Variants in RALGPS2 observed in about 807,000 individuals in gnomAD.
RALGPS2 encodes Ral GEF with PH domain and SH3 binding motif 2, also known as ras-specific guanine nucleotide-releasing factor RalGPS2.
In RALGPS2, 43 loss-of-function variants were observed where a neutral mutation model predicts 86.8. That is an observed-to-expected ratio of 0.50 (90% confidence interval 0.39 to 0.64). The LOEUF is 0.64. RALGPS2 is among the 30% of genes least tolerant of loss of function. RALGPS2 has a pLI of 0.00. For synonymous variants in RALGPS2, 243 were observed against 231.3 expected (o/e 1.05, Z -0.46); for missense variants, 536 against 694.6 (o/e 0.77, Z 2.57).
intron 8 of RALGPS2, among the ~76,000 whole-genome samples, chr1:178,873,602 T>A (rs1658865017): frequency 6.6e-6 from 1 of 152,192 alleles, no homozygotes; most frequent in South Asian, 2.1e-4. Context: ...CTCCTAGGCA[T>A]GTTTGTATAT....
chr1:178,765,492 A>G (rs1390418258), intron 1 of RALGPS2, among the ~76,000 whole-genome samples: 1 of 152,194 alleles, frequency 6.6e-6, no homozygotes, highest in Non-Finnish European at 1.5e-5. Flanking sequence ...ATAAAATATC[A>G]CAAGGCAAAT....
At chr1:178,912,720 C>T (rs914366825) in intron 19 of RALGPS2, among the ~76,000 whole-genome samples, 6 of 152,122 alleles carry the variant, frequency 3.9e-5, no homozygotes, top group African/African-American at 7.2e-5. Flanking sequence ...TGCACATCAA[C>T]TTCTGTAGCA....
chr1:178,811,077 T>C (rs1350966128), intron 5 of RALGPS2, among the ~76,000 whole-genome samples: 3 of 152,110 alleles, frequency 2.0e-5, no homozygotes, highest in Non-Finnish European at 4.4e-5. Flanking sequence ...TTTTTTTCTT[T>C]TGATATTTTA....
chr1:178,833,312 T>C (rs550083972), intron 7 of RALGPS2, 112 bp from the exon 8 acceptor site: 1 of 1,015,726 alleles, frequency 9.8e-7, no homozygotes, highest in South Asian at 2.8e-5. Flanking sequence ...TTAAAGAAGA[T>C]ATAACTTTGA....
chr1:178,856,202 G>GAGATATAT (rs1428022812), intron 8 of RALGPS2, among the ~76,000 whole-genome samples: 67 of 83,898 alleles, frequency 8.0e-4, no homozygotes, highest in African/African-American at 1.1e-3. Context: ...GAGAGAGAGA[G>GAGATATAT]ATATATATAT....
chr1:178,880,564 A>G (rs942548690), intron 10 of RALGPS2, among the ~76,000 whole-genome samples: 6 of 152,154 alleles, frequency 3.9e-5, no homozygotes, highest in Non-Finnish European at 7.4e-5. Flanking sequence ...TGTGTCTTAT[A>G]CTTACCACTA....
chr1:178,867,219 C>T (rs929999591), intron 8 of RALGPS2, among the ~76,000 whole-genome samples: 1 of 152,066 alleles, frequency 6.6e-6, no homozygotes, highest in African/African-American at 2.4e-5. Context: ...TGTTTTAAGC[C>T]ATTTTCATGT....
At chr1:178,812,515 A>C (rs1655031297) in intron 6 of RALGPS2, among the ~76,000 whole-genome samples, 1 of 152,186 alleles carries the variant, frequency 6.6e-6, no homozygotes, top group African/African-American at 2.4e-5. Flanking sequence ...TACAGATGTG[A>C]ATCTCCTCCA....
At chr1:178,884,985 A>T in intron 11 of RALGPS2, 91 bp from the exon 12 acceptor site, 2 of 1,301,130 alleles carry the variant, frequency 1.5e-6, no homozygotes, top group Non-Finnish European at 2.1e-6. Flanking sequence ...CATCAGTACT[A>T]TCTCAAAATT....
chr1:178,862,438 A>C (rs184883003), intron 8 of RALGPS2, among the ~76,000 whole-genome samples: 4 of 152,220 alleles, frequency 2.6e-5, no homozygotes, highest in African/African-American at 9.6e-5. Context: ...TCTTAGTTAG[A>C]TGTATTCTGA....
intron 16 of RALGPS2, among the ~76,000 whole-genome samples, chr1:178,895,361 T>C (rs1659894235): frequency 1.3e-5 from 2 of 152,082 alleles, no homozygotes; most frequent in African/African-American, 4.8e-5. Flanking sequence ...AGTTGAAGCA[T>C]TACCATACCT....
intron 4 of RALGPS2, among the ~76,000 whole-genome samples, chr1:178,798,400 C>T (rs907282394): frequency 3.9e-5 from 6 of 152,096 alleles, no homozygotes; most frequent in African/African-American, 1.4e-4. Context: ...TGTGTTATGA[C>T]GTTAAAATGT....
At chr1:178,901,334 T>C (rs377135504) in intron 17 of RALGPS2, among the ~76,000 whole-genome samples, 1 of 152,082 alleles carries the variant, frequency 6.6e-6, no homozygotes, top group African/African-American at 2.4e-5. Context: ...GTCCTGAATT[T>C]CTTGTTAATT....
chr1:178,867,667 A>G (rs1017895667), intron 8 of RALGPS2, among the ~76,000 whole-genome samples: 2 of 151,948 alleles, frequency 1.3e-5, no homozygotes, highest in Non-Finnish European at 2.9e-5. Flanking sequence ...TAATTATGCA[A>G]AAGTATTTAT....
rs1253026049 is a variant in RALGPS2 at position 178,804,121 on chromosome 1, A to G, written c.214-3924A>G. On this transcript the variant is annotated intron_variant, in intron 4 of 19. Coordinates refer to ENST00000367635, the MANE Select transcript of RALGPS2 (RefSeq NM_152663.5). The stretch of plus-strand genomic sequence containing the variant: ...ATTTAAGATTTTATTGAAGTTTTGC[A>G]TGTATCATGTTTAAGAAGTCAAATA... Among the ~76,000 whole-genome samples, 9 of 146,056 alleles carry G rather than the reference A, an allele frequency of 6.2e-5. No individual in the cohort carries two copies. In the East Asian group the frequency reaches 1.8e-3, roughly 29 times the overall value.
chr1:178,779,361 C>CTATATT (rs1207846550), intron 2 of RALGPS2, among the ~76,000 whole-genome samples: 2 of 151,996 alleles, frequency 1.3e-5, no homozygotes, highest in African/African-American at 4.8e-5. Flanking sequence ...TCTTATTTTT[C>CTATATT]TCTTAGTATA....
intron 8 of RALGPS2, among the ~76,000 whole-genome samples, chr1:178,861,530 A>G (rs1316467164): frequency 6.6e-6 from 1 of 152,052 alleles, no homozygotes; most frequent in African/African-American, 2.4e-5. Flanking sequence ...ATTTTCTTAG[A>G]AAAGTTTGTC....
chr1:178,806,089 TA>T (rs954468623), intron 4 of RALGPS2, among the ~76,000 whole-genome samples: 7 of 151,070 alleles, frequency 4.6e-5, no homozygotes, highest in Admixed American at 1.3e-4. Flanking sequence ...AATATATATA[TA>T]TTTTTTTTCT....
chr1:178,824,982 G>A (rs1295561710), intron 7 of RALGPS2, among the ~76,000 whole-genome samples: 1 of 152,140 alleles, frequency 6.6e-6, no homozygotes, highest in African/African-American at 2.4e-5. Context: ...AAGGTGGTAT[G>A]GGAGAGGTGT....
Sources: gnomAD v4.1 joint callset for allele counts (sites outside exome capture counted in the v4.1 genomes callset) on GRCh38, gnomAD v4.1.1 for gene constraint, MANE v1.5 for transcripts, NCBI Gene and HGNC (gene_info 2026-07-23, HGNC 2026-07-21) for gene names.